Variants in PYHIN1 observed in about 807,000 individuals in gnomAD.
PYHIN1 encodes pyrin and HIN domain family member 1.
PYHIN1 carries 32 observed loss-of-function variants against 43.7 expected under a neutral mutation model. That is an observed-to-expected ratio of 0.73 (90% confidence interval 0.55 to 0.98). The LOEUF (loss-of-function observed/expected upper bound fraction) is 0.98, where lower values mean the gene tolerates loss of function less well. Among genes scored for constraint, PYHIN1 ranks in the 50% least tolerant of loss-of-function variants. The probability of loss-of-function intolerance (pLI) is 0.00; values close to 1 mark genes in which losing one functional copy is unlikely to be tolerated. For missense variants in PYHIN1, 588 were observed against 589.5 expected (o/e 1.00, Z 0.03); for synonymous variants, 205 against 203.1 (o/e 1.01, Z -0.08).
chr1:158,961,853 G>C (rs1025241293), intron 7 of PYHIN1, among the ~76,000 whole-genome samples: 4 of 152,148 alleles, frequency 2.6e-5, no homozygotes, highest in Admixed American at 2.6e-4. Context: ...CTGGCAATAG[G>C]GGAGGTCAGG....
At chr1:158,944,112 G>T in intron 6 of PYHIN1, 134 bp downstream of exon 6, 1 of 516,642 alleles carries the variant, frequency 1.9e-6, no homozygotes, top group Non-Finnish European at 3.3e-6. Flanking sequence ...ATGCCCTTGC[G>T]CTTACATTTA....
At chr1:158,972,943 A>G (rs1198941658) in intron 7 of PYHIN1, among the ~76,000 whole-genome samples, 1 of 152,148 alleles carries the variant, frequency 6.6e-6, no homozygotes, top group African/African-American at 2.4e-5. Context: ...ACAAAGGTCC[A>G]TGAATGAGTT....
the PYHIN1 span, among the ~76,000 whole-genome samples, chr1:158,988,621 G>C: frequency 6.6e-6 from 1 of 152,158 alleles, no homozygotes; most frequent in Non-Finnish European, 1.5e-5. Context: ...TCTCTTGGCT[G>C]TATTGAGTTC....
intron 5 of PYHIN1, among the ~76,000 whole-genome samples, 165 bp downstream of exon 5, chr1:158,942,564 TAGG>T (rs1648986417): frequency 6.6e-6 from 1 of 152,198 alleles, no homozygotes; most frequent in Non-Finnish European, 1.5e-5. Context: ...AGACCAGGAT[TAGG>T]AGAACTATTA....
chr1:158,935,823 AG>A (rs1048181219), intron 1 of PYHIN1, among the ~76,000 whole-genome samples: 13 of 152,138 alleles, frequency 8.5e-5, no homozygotes, highest in Non-Finnish European at 1.5e-4. Flanking sequence ...GCCCCAGTAA[AG>A]GATGGGAAGA....
intron 7 of PYHIN1, among the ~76,000 whole-genome samples, chr1:158,946,861 A>G (rs1295359321): frequency 6.6e-6 from 1 of 152,206 alleles, no homozygotes; most frequent in East Asian, 1.9e-4. Context: ...ATTATTGACC[A>G]GAAAAAAATA....
At chr1:158,981,050 A>G (rs956588792), downstream of PYHIN1, among the ~76,000 whole-genome samples, 1 of 152,158 alleles carries the variant, frequency 6.6e-6, no homozygotes, top group Non-Finnish European at 1.5e-5. Context: ...GAAAGAACCT[A>G]CATTGAAATA....
intron 7 of PYHIN1, among the ~76,000 whole-genome samples, chr1:158,960,943 C>T (rs1315323881): frequency 6.6e-6 from 1 of 152,076 alleles, no homozygotes; most frequent in African/African-American, 2.4e-5. Context: ...AAAGAAGTTT[C>T]TTTAATAAAA....
the PYHIN1 span, among the ~76,000 whole-genome samples, chr1:158,982,882 G>A: frequency 7.9e-3 from 1,204 of 151,584 alleles, 18 homozygotes; most frequent in African/African-American, 0.028. Context: ...ATTCCTATGT[G>A]TTTATTCTTT....
chr1:158,987,527 G>A, the PYHIN1 span, among the ~76,000 whole-genome samples: 3 of 151,886 alleles, frequency 2.0e-5, no homozygotes, highest in Non-Finnish European at 4.4e-5. Context: ...TATTTGATAC[G>A]TAAAAGTTTT....
rs1648273698 is a variant in PYHIN1 at position 158,933,229 on chromosome 1, CATATAA to C, written c.-21+1459_-21+1464del. Among the ~76,000 whole-genome samples, 1 of 151,180 alleles carries C rather than the reference CATATAA, an allele frequency of 6.6e-6. No homozygotes were observed. Among genetic ancestry groups the C allele is most frequent in the East Asian group, 1.9e-4 (1 of 5,162 alleles). On this transcript the variant is annotated intron_variant, in intron 1 of 8. Transcript: ENST00000368140. The surrounding 1 kb of genome is among the most constrained non-coding windows in gnomAD (Gnocchi z 6.3). ...ACATGTTTCCAAACATAAACATACA[CATATAA>C]ATATATATATTTGTGGCACCGTGTA...
At chr1:158,948,725 T>TA (rs1040671017) in intron 7 of PYHIN1, among the ~76,000 whole-genome samples, 37 of 152,308 alleles carry the variant, frequency 2.4e-4, no homozygotes, top group African/African-American at 8.9e-4. Flanking sequence ...TAAGTGTGCC[T>TA]ACGAATCTTT....
At chr1:158,944,778 A>C in intron 6 of PYHIN1, 97 bp from the exon 7 acceptor site, 3 of 917,902 alleles carry the variant, frequency 3.3e-6, no homozygotes, top group Non-Finnish European at 4.6e-6. Context: ...AATGACATCT[A>C]TTAGAATTTA....
chr1:158,987,445 C>T, the PYHIN1 span, among the ~76,000 whole-genome samples: 1 of 151,876 alleles, frequency 6.6e-6, no homozygotes, highest in Non-Finnish European at 1.5e-5. Flanking sequence ...CTTATAAGTC[C>T]CTTATTGAAT....
At chr1:158,936,347 G>A (rs1439902922) in intron 1 of PYHIN1, among the ~76,000 whole-genome samples, 1 of 151,230 alleles carries the variant, frequency 6.6e-6, no homozygotes, top group African/African-American at 2.4e-5. Flanking sequence ...TGCTGAGAAT[G>A]ATGGTTTCCA....
downstream of PYHIN1, among the ~76,000 whole-genome samples, chr1:158,979,064 T>A (rs1256389059): frequency 6.6e-6 from 1 of 152,168 alleles, no homozygotes; most frequent in Non-Finnish European, 1.5e-5. Context: ...TATTAGCAAA[T>A]GATTATGATT....
the PYHIN1 span, among the ~76,000 whole-genome samples, chr1:158,987,954 A>G: frequency 2.0e-5 from 3 of 152,238 alleles, no homozygotes; most frequent in Non-Finnish European, 4.4e-5. Context: ...CATACTATGG[A>G]GAATACAGTG....
chr1:158,948,229 G>C (rs1418903641), intron 7 of PYHIN1, among the ~76,000 whole-genome samples: 2 of 152,236 alleles, frequency 1.3e-5, no homozygotes, highest in Non-Finnish European at 2.9e-5. Context: ...TCCAGTCAGA[G>C]TGACCCCCAG....
intron 7 of PYHIN1, among the ~76,000 whole-genome samples, chr1:158,957,039 A>G (rs1047429431): frequency 3.4e-5 from 5 of 147,786 alleles, no homozygotes; most frequent in Non-Finnish European, 5.9e-5. Flanking sequence ...TAGGAATCCA[A>G]CTTACAAGGG....
Sources: allele counts gnomAD v4.1 joint callset (sites outside exome capture counted in the v4.1 genomes callset), GRCh38; gene constraint gnomAD v4.1.1; non-coding constraint Gnocchi (gnomAD v3.1); transcripts MANE v1.5; gene names NCBI Gene and HGNC (gene_info 2026-07-23, HGNC 2026-07-21).